SLC10A7: variants seen among roughly 807,000 people sequenced by gnomAD.
The protein encoded by SLC10A7 is sodium/bile acid cotransporter 7.
A neutral mutation model predicts 43.2 loss-of-function variants in SLC10A7; 29 were observed. The ratio of observed to expected loss-of-function variants is 0.67; its 90% CI spans 0.50 to 0.92. The LOEUF is 0.92. Among genes scored for constraint, SLC10A7 ranks in the 40% least tolerant of loss-of-function variants. SLC10A7 has a pLI of 0.00. For synonymous variants in SLC10A7, 152 were observed against 144.8 expected (o/e 1.05, Z -0.35); for missense variants, 295 against 403.2 (o/e 0.73, Z 2.30).
intron 5 of SLC10A7, among the ~76,000 whole-genome samples, chr4:146,376,289 A>G (rs922147264): frequency 6.6e-6 from 1 of 152,198 alleles, no homozygotes. Flanking sequence ...TCTTATTGAT[A>G]TGGATAGGAG....
In SLC10A7 at chr4:146,413,339, C is replaced by T. The variant is rs1429089274; in HGVS notation, c.435+29444G>A. 2.0e-5 allele frequency among the ~76,000 whole-genome samples: 3 copies of T among 151,966 alleles called. No homozygotes were observed. The South Asian group carries it at 6.2e-4, about 32-fold the overall frequency. ...CACGTAATTTATTAATGTCTTATAA[C>T]CAAAATTGTGTATTAAAATGCTTTT... is the stretch of plus-strand genomic sequence containing the variant. On this transcript the variant is annotated intron_variant, in intron 5 of 11. Transcript: ENST00000335472.
chr4:146,437,951 T>C (rs993505849), intron 5 of SLC10A7, among the ~76,000 whole-genome samples: 1 of 151,962 alleles, frequency 6.6e-6, no homozygotes, highest in African/African-American at 2.4e-5. Flanking sequence ...TGTCATTCAC[T>C]AGGGTTTCCT....
chr4:146,306,243 T>C (rs1731562897), intron 6 of SLC10A7, among the ~76,000 whole-genome samples: 1 of 152,146 alleles, frequency 6.6e-6, no homozygotes, highest in Non-Finnish European at 1.5e-5. Flanking sequence ...TGATTTGCAA[T>C]CAACCTAAAT....
At chr4:146,448,396 T>C (rs1468545430) in intron 4 of SLC10A7, among the ~76,000 whole-genome samples, 1 of 152,148 alleles carries the variant, frequency 6.6e-6, no homozygotes, top group Non-Finnish European at 1.5e-5. Flanking sequence ...CACTGGACCA[T>C]GTTCTGTGCT....
chr4:146,498,424 C>T (rs555652526), intron 4 of SLC10A7, among the ~76,000 whole-genome samples: 2 of 152,218 alleles, frequency 1.3e-5, no homozygotes, highest in South Asian at 4.1e-4. Flanking sequence ...GGCCTTATTA[C>T]TTTTTCTATT....
intron 7 of SLC10A7, among the ~76,000 whole-genome samples, chr4:146,295,583 T>C (rs1369202082): frequency 6.6e-6 from 1 of 152,054 alleles, no homozygotes; most frequent in African/African-American, 2.4e-5. Flanking sequence ...AACACAAATT[T>C]TGGACAACAG....
At chr4:146,387,981 A>G (rs1232175119) in intron 5 of SLC10A7, among the ~76,000 whole-genome samples, 2 of 152,194 alleles carry the variant, frequency 1.3e-5, no homozygotes, top group Non-Finnish European at 2.9e-5. Flanking sequence ...ATCAATATTG[A>G]TAAAATGACC....
chr4:146,482,245 T>C (rs191591941), intron 4 of SLC10A7, among the ~76,000 whole-genome samples: 102 of 152,294 alleles, frequency 6.7e-4, no homozygotes, highest in African/African-American at 2.2e-3. Context: ...AGGAACTAAA[T>C]GATTCTCTAG....
intron 4 of SLC10A7, among the ~76,000 whole-genome samples, chr4:146,465,762 A>G (rs944886495): frequency 2.6e-5 from 4 of 152,144 alleles, no homozygotes; most frequent in African/African-American, 7.2e-5. Flanking sequence ...GCTGCTTCCA[A>G]CCCAGTCATT....
At chr4:146,369,402 T>A (rs553645272) in intron 5 of SLC10A7, among the ~76,000 whole-genome samples, 2 of 152,370 alleles carry the variant, frequency 1.3e-5, no homozygotes, top group South Asian at 2.1e-4. Flanking sequence ...TTATCATTAG[T>A]CTTTTTGGAC....
chr4:146,306,147 C>T (rs1234526609), intron 6 of SLC10A7, 138 bp from the exon 7 acceptor site: 8 of 509,896 alleles, frequency 1.6e-5, no homozygotes, highest in Non-Finnish European at 2.6e-5. Context: ...AGTGAAGTTA[C>T]CTCTAATTTT....
rs535519192 is a variant in SLC10A7, at chr4:146,371,040, G to A, written c.436-45044C>T. 3.9e-5 allele frequency among the ~76,000 whole-genome samples: 6 copies of A among 152,286 alleles called. No individual in the cohort carries two copies. The South Asian group carries it at 6.2e-4, about 16-fold the overall frequency. ...AGTCATCAAACACTTTTCAGAGCAC[G>A]TATTATATGTACAGCACTTTTTCTA... On this transcript the variant is annotated intron_variant, in intron 5 of 11. Transcript: ENST00000335472.
intron 6 of SLC10A7, among the ~76,000 whole-genome samples, chr4:146,322,279 G>T (rs935860936): frequency 1.3e-5 from 2 of 151,880 alleles, no homozygotes; most frequent in Non-Finnish European, 2.9e-5. Context: ...GTGCAGGTTT[G>T]TTACATATGT....
chr4:146,382,488 C>T (rs1737699582), intron 5 of SLC10A7, among the ~76,000 whole-genome samples: 1 of 152,084 alleles, frequency 6.6e-6, no homozygotes, highest in African/African-American at 2.4e-5. Flanking sequence ...AGTGCTGACA[C>T]ATAGTTGGCA....
chr4:146,495,363 G>C (rs1735789958), intron 4 of SLC10A7, among the ~76,000 whole-genome samples: 1 of 152,144 alleles, frequency 6.6e-6, no homozygotes, highest in Admixed American at 6.5e-5. Flanking sequence ...AGTCCTCTCT[G>C]CTGATTAGAT....
chr4:146,280,029 A>T (rs1729445778), intron 10 of SLC10A7, among the ~76,000 whole-genome samples: 1 of 152,168 alleles, frequency 6.6e-6, no homozygotes, highest in African/African-American at 2.4e-5. Flanking sequence ...AAGCTTCTCA[A>T]GCAAGAGTTT....
chr4:146,322,727 G>T (rs1352872762), intron 6 of SLC10A7, among the ~76,000 whole-genome samples: 4 of 152,070 alleles, frequency 2.6e-5, no homozygotes, highest in African/African-American at 9.7e-5. Flanking sequence ...AATCCTTTGG[G>T]TATATACCCA....
intron 4 of SLC10A7, among the ~76,000 whole-genome samples, chr4:146,443,270 TA>T (rs1420695708): frequency 2.0e-5 from 3 of 152,146 alleles, no homozygotes; most frequent in African/African-American, 7.2e-5. Context: ...AATCACAAGG[TA>T]AGATCTGTTT....
chr4:146,296,381 T>C (rs1253797663), intron 7 of SLC10A7, among the ~76,000 whole-genome samples: 1 of 152,196 alleles, frequency 6.6e-6, no homozygotes, highest in Non-Finnish European at 1.5e-5. Context: ...AACTGTAATT[T>C]GATTGAGTTA....
Sources: gnomAD v4.1 joint callset for allele counts (sites outside exome capture counted in the v4.1 genomes callset) on GRCh38, gnomAD v4.1.1 for gene constraint, MANE v1.5 for transcripts, NCBI Gene and HGNC (gene_info 2026-07-23, HGNC 2026-07-21) for gene names.